The following C8orf34 variants were observed in gnomAD, a reference collection of about 807,000 sequenced individuals.
C8orf34 encodes the protein chromosome 8 open reading frame 34.
A neutral mutation model predicts 68.3 loss-of-function variants in C8orf34; 65 were observed. The ratio of observed to expected loss-of-function variants is 0.95; its 90% CI spans 0.78 to 1.17. The LOEUF (loss-of-function observed/expected upper bound fraction) is 1.17, where lower values mean the gene tolerates loss of function less well. C8orf34 is among the 50% of genes most tolerant of loss of function. The probability of loss-of-function intolerance (pLI) is 0.00; values close to 1 mark genes in which losing one functional copy is unlikely to be tolerated. For missense variants in C8orf34, 664 were observed against 655.4 expected (o/e 1.01, Z -0.14); for synonymous variants, 244 against 241.2 (o/e 1.01, Z -0.11).
intron 7 of C8orf34, among the ~76,000 whole-genome samples, chr8:68,572,384 T>A (rs973015431): frequency 2.0e-5 from 3 of 152,008 alleles, no homozygotes; most frequent in Non-Finnish European, 4.4e-5. Flanking sequence ...ATACTACCTA[T>A]GCATATTACA....
rs1447710775 is a variant in C8orf34 at position 68,772,333 on chromosome 8, T to C, written c.1405-4066T>C. ...AAGATGAATAGAAAATACTTATTGA[T>C]TGAAACAAGAGAAGCATGGCATAAT... is the stretch of plus-strand genomic sequence containing the variant. On this transcript the variant is annotated intron_variant, in intron 10 of 13. Coordinates refer to ENST00000518698, the MANE Select transcript of C8orf34 (RefSeq NM_052958.4). Among the ~76,000 whole-genome samples the C allele has an allele frequency of 2.6e-5, 4 of 152,186 alleles. No homozygotes were observed. The East Asian group carries it at 7.7e-4, about 29-fold the overall frequency.
intron 10 of C8orf34, among the ~76,000 whole-genome samples, chr8:68,755,887 C>T (rs1287235798): frequency 1.3e-5 from 2 of 149,858 alleles, no homozygotes; most frequent in African/African-American, 5.0e-5. Flanking sequence ...GGTGAAACCC[C>T]GTCTCTACTA....
chr8:68,673,140 T>A (rs1355579807), intron 8 of C8orf34, among the ~76,000 whole-genome samples: 1 of 152,174 alleles, frequency 6.6e-6, no homozygotes, highest in South Asian at 2.1e-4. Flanking sequence ...CAGTACTCTC[T>A]GTGGGCCTTA....
At chr8:68,632,702 C>T (rs1818727713) in intron 7 of C8orf34, among the ~76,000 whole-genome samples, 1 of 152,112 alleles carries the variant, frequency 6.6e-6, no homozygotes, top group African/African-American at 2.4e-5. Flanking sequence ...AGCCTTGGGA[C>T]ATTGTACCCT....
chr8:68,561,337 A>AACGCAAACACATT (rs1176101492), intron 7 of C8orf34, among the ~76,000 whole-genome samples: 2 of 150,972 alleles, frequency 1.3e-5, no homozygotes, highest in African/African-American at 4.9e-5. Context: ...CTGAACTTAA[A>AACGCAAACACATT]ACGCAAACAC....
At chr8:68,520,442 T>C (rs976039693) in intron 5 of C8orf34, among the ~76,000 whole-genome samples, 5 of 151,910 alleles carry the variant, frequency 3.3e-5, no homozygotes, top group African/African-American at 9.7e-5. Context: ...ATTTTTATTG[T>C]TTTTTTTAAA....
intron 12 of C8orf34, among the ~76,000 whole-genome samples, chr8:68,800,996 A>G (rs990370508): frequency 2.6e-5 from 4 of 152,206 alleles, no homozygotes; most frequent in African/African-American, 4.8e-5. Context: ...CTATGTTTAC[A>G]TATTTTCTCT....
chr8:68,507,387 G>A (rs1392527962), intron 5 of C8orf34, among the ~76,000 whole-genome samples: 1 of 152,156 alleles, frequency 6.6e-6, no homozygotes, highest in Non-Finnish European at 1.5e-5. Flanking sequence ...TGATGAGACT[G>A]ACATGAGATA....
chr8:68,439,569 C>T lies in C8orf34; in HGVS notation c.398C>T (p.Ser133Phe). The T allele has an allele frequency of 1.2e-6, 2 of 1,613,700 alleles. No individual in the cohort carries two copies. Among genetic ancestry groups the T allele is most frequent in the Non-Finnish European group, 1.7e-6 (2 of 1,179,748 alleles). Residue 133 changes from serine (S) to phenylalanine (F), a missense_variant, in exon 2 of 14, where the codon TCT (serine) becomes TTT (phenylalanine). Ser to Phe is a radical substitution (Grantham distance 155, BLOSUM62 -2). Transcript: ENST00000518698. Reference protein sequence around the residue: ...PIPFLIDHLQSKQGNRGQLQR... With the variant: ...PIPFLIDHLQFKQGNRGQLQR... ...CCATTTCTCATTGACCATCTTCAGT[C>T]TAAACAAGGGAACCGTGGACAACTT...
chr8:68,361,130 G>C (rs981697021), intron 1 of C8orf34, among the ~76,000 whole-genome samples: 4 of 152,228 alleles, frequency 2.6e-5, no homozygotes, highest in South Asian at 2.1e-4. Context: ...CAGGCAGAGG[G>C]TTAATTGTGG....
intron 1 of C8orf34, among the ~76,000 whole-genome samples, chr8:68,371,452 CA>C (rs1173337273): frequency 5.0e-4 from 76 of 151,994 alleles, no homozygotes; most frequent in African/African-American, 1.8e-3. Context: ...TTATAAGAAA[CA>C]AAAGATTATT....
At chr8:68,413,300 G>A (rs938928841) in intron 1 of C8orf34, among the ~76,000 whole-genome samples, 2 of 152,180 alleles carry the variant, frequency 1.3e-5, no homozygotes, top group Non-Finnish European at 2.9e-5. Flanking sequence ...GCAATCTGAA[G>A]AGGAAATCTG....
At chr8:68,625,391 T>C (rs1367336488) in intron 7 of C8orf34, 4 of 467,012 alleles carry the variant, frequency 8.6e-6, no homozygotes, top group Admixed American at 4.0e-5. Context: ...GGAAGTGAGA[T>C]GAGGTTGTGA....
intron 7 of C8orf34, among the ~76,000 whole-genome samples, chr8:68,547,850 A>G (rs751994527): frequency 7.2e-5 from 11 of 151,810 alleles, no homozygotes; most frequent in Non-Finnish European, 1.0e-4. Flanking sequence ...ACATAAGGCT[A>G]GAATAACAGA....
chr8:68,713,125 C>G (rs184870555), intron 9 of C8orf34, among the ~76,000 whole-genome samples: 5 of 151,898 alleles, frequency 3.3e-5, no homozygotes, highest in Admixed American at 2.6e-4. Context: ...TTGAACTGAA[C>G]GATAATAGTA....
chr8:68,387,180 G>A (rs964098412), intron 1 of C8orf34, among the ~76,000 whole-genome samples: 3 of 152,004 alleles, frequency 2.0e-5, no homozygotes, highest in African/African-American at 4.8e-5. Context: ...CACATGGACC[G>A]ACTTCAGTGT....
At position 68,733,141 on chromosome 8, in the gene C8orf34, C is replaced by A. The variant is rs146406839; in HGVS notation, c.1404+11704C>A. On this transcript the variant is annotated intron_variant, in intron 10 of 13. Transcript: ENST00000518698. ...CCTTCTTTATTAATTTGAACTTTTTCTTTTCATCTTAATTACTATGTATAA... is the reference window on the plus strand; with the variant it reads ...CCTTCTTTATTAATTTGAACTTTTTATTTTCATCTTAATTACTATGTATAA... 5.8e-3 allele frequency among the ~76,000 whole-genome samples: 874 copies of A among 151,964 alleles called. 8 individuals carry two copies. Among genetic ancestry groups the A allele is most frequent in the African/African-American group, 0.02 (828 of 41,492 alleles).
At chr8:68,471,046 A>T (rs1812358134) in intron 4 of C8orf34, among the ~76,000 whole-genome samples, 1 of 152,108 alleles carries the variant, frequency 6.6e-6, no homozygotes, top group African/African-American at 2.4e-5. Flanking sequence ...AGAGTAGAAG[A>T]GATACAGGTA....
chr8:68,527,488 C>T (rs142043544), intron 6 of C8orf34, among the ~76,000 whole-genome samples: 1,571 of 152,224 alleles, frequency 0.01, 36 homozygotes, highest in African/African-American at 0.034. Flanking sequence ...AGGAGAATGG[C>T]GTGAACCCGG....
Sources: gnomAD v4.1 joint callset for allele counts (sites outside exome capture counted in the v4.1 genomes callset) on GRCh38, gnomAD v4.1.1 for gene constraint, MANE v1.5 for transcripts, NCBI Gene and HGNC (gene_info 2026-07-23, HGNC 2026-07-21) for gene names.